The following TAOK3 variants were observed in gnomAD, a reference collection of about 807,000 sequenced individuals.
TAOK3 encodes TAO kinase 3.
In TAOK3, 40 loss-of-function variants were observed where a neutral mutation model predicts 120.4. The ratio of observed to expected loss-of-function variants is 0.33; its 90% confidence interval spans 0.26 to 0.43. The LOEUF (loss-of-function observed/expected upper bound fraction) is 0.43. Among genes scored for constraint, TAOK3 ranks in the 20% least tolerant of loss-of-function variants. The pLI, the probability that TAOK3 is intolerant of heterozygous loss-of-function variation, is 1.00. For missense variants in TAOK3, 821 were observed against 1,112.1 expected, an observed-to-expected ratio of 0.74 and a Z score of 3.72; for synonymous variants, 355 against 387.5, an observed-to-expected ratio of 0.92 and a Z score of 0.99.
chr12:118,274,250 T>C lies in TAOK3; in HGVS notation c.-193-7491A>G, dbSNP rs183826599. 2.0e-5 allele frequency among the ~76,000 whole-genome samples: 3 copies of C among 152,324 alleles called. No individual in the cohort carries two copies. The East Asian group carries it at 5.8e-4, about 29-fold the overall frequency. On this transcript the variant is annotated intron_variant, in intron 1 of 20. Transcript: ENST00000392533. ...TTTTAAGGTACTTTCACGTTGAAAA[T>C]GAAACTAGATGATAGCTGCTTTTTA... is the stretch of plus-strand genomic sequence containing the variant.
intron 5 of TAOK3, 136 bp downstream of exon 5, chr12:118,243,278 CA>C: frequency 1.8e-6 from 1 of 561,052 alleles, no homozygotes; most frequent in Non-Finnish European, 3.1e-6. Context: ...AAAGTATTAA[CA>C]AATGTTAAAT....
At chr12:118,236,892 A>G (rs2040040397) in intron 7 of TAOK3, among the ~76,000 whole-genome samples, 2 of 152,202 alleles carry the variant, frequency 1.3e-5, no homozygotes, top group Non-Finnish European at 2.9e-5. Context: ...TAAAGAAGAT[A>G]AAGCATAATA....
intron 1 of TAOK3, among the ~76,000 whole-genome samples, chr12:118,273,215 A>C (rs933907231): frequency 6.6e-6 from 1 of 152,090 alleles, no homozygotes; most frequent in Non-Finnish European, 1.5e-5. Context: ...CTTTAAGAAA[A>C]AAATAGGGCC....
intron 1 of TAOK3, among the ~76,000 whole-genome samples, chr12:118,314,359 T>C (rs1352939323): frequency 6.6e-6 from 1 of 152,172 alleles, no homozygotes; most frequent in Non-Finnish European, 1.5e-5. Flanking sequence ...ACTATTGAGA[T>C]ACAACTAATT....
At position 118,321,073 on chromosome 12, in the gene TAOK3, T is replaced by C. The variant is rs559686547; in HGVS notation, c.-194+51575A>G. Among the ~76,000 whole-genome samples the C allele has an allele frequency of 1.5e-4, 23 of 152,268 alleles. No homozygotes were observed. In the East Asian group the frequency reaches 2.9e-3, roughly 19 times the overall value. ...ATATAAACAACATTAAAAAAGATCA[T>C]GGAAAAAATCTAGAAGAATATGCCC... On this transcript the variant is annotated intron_variant, in intron 1 of 20. Transcript: ENST00000392533.
chr12:118,151,143 C>T lies in TAOK3; in HGVS notation c.2551G>A (p.Ala851Thr), dbSNP rs1484668608. The change falls in exon 21 of 21, where the codon GCT becomes ACT. Residue 851 changes from alanine to threonine, a missense_variant. Ala to Thr is a moderately conservative substitution (Grantham distance 58, BLOSUM62 0). Transcript: ENST00000392533. Reference protein sequence around the residue: ...HLEQKIEEELAALQKERSERI... With the variant: ...HLEQKIEEELTALQKERSERI... Reference sequence around the variant, plus strand: ...TCGCTGCGTTCCTTCTGAAGGGCAGCCAGCTCCTCTTCAATCTGAAAGAAG... The same window carrying T: ...TCGCTGCGTTCCTTCTGAAGGGCAGTCAGCTCCTCTTCAATCTGAAAGAAG... 6.2e-7 allele frequency: 1 copy of T among 1,612,494 alleles called. No homozygotes were observed. The highest frequency in any genetic ancestry group is 1.7e-5 in the Admixed American group (1 of 59,736).
intron 1 of TAOK3, among the ~76,000 whole-genome samples, chr12:118,338,786 CAAAAAAAA>C (rs71069438): frequency 5.6e-4 from 28 of 49,860 alleles, no homozygotes; most frequent in South Asian, 4.7e-3. Flanking sequence ...GACTCCGTCT[CAAAAAAAA>C]AAAAAAAAAA....
At chr12:118,307,132 T>C (rs2043078414) in intron 1 of TAOK3, among the ~76,000 whole-genome samples, 1 of 152,228 alleles carries the variant, frequency 6.6e-6, no homozygotes, top group Non-Finnish European at 1.5e-5. Context: ...CAGGAATTGC[T>C]GACACATCTC....
intron 14 of TAOK3, among the ~76,000 whole-genome samples, chr12:118,185,371 G>A (rs148881574): frequency 9.9e-5 from 15 of 152,218 alleles, no homozygotes; most frequent in Admixed American, 2.0e-4. Context: ...ACAAAACACT[G>A]CACTAGAAGG....
Position 118,181,462 on chromosome 12 carries a change from T to C in TAOK3, c.1475A>G (p.Lys492Arg), listed in dbSNP as rs1444485447. The change falls in exon 15 of 21, where the codon AAG becomes AGG. Residue 492 changes from lysine to arginine, a missense_variant. By Grantham distance (26) the Lys-to-Arg change is conservative. Coordinates refer to ENST00000392533, the MANE Select transcript of TAOK3 (RefSeq NM_016281.4). ...LKAEMDEHRL[K>R]LQKEVETHAN... ...ATGCGTCTCCACCTCCTTCTGTAGCTTGAGGCGGTGCTCGTCCATCTCAGC... is the reference window on the plus strand; with the variant it reads ...ATGCGTCTCCACCTCCTTCTGTAGCCTGAGGCGGTGCTCGTCCATCTCAGC... 3 of 1,614,218 alleles carry C rather than the reference T, an allele frequency of 1.9e-6. No individual in the cohort carries two copies. Among genetic ancestry groups the C allele is most frequent in the African/African-American group, 1.3e-5 (1 of 75,062 alleles).
At chr12:118,363,806 A>G (rs1214569851) in intron 1 of TAOK3, among the ~76,000 whole-genome samples, 1 of 151,536 alleles carries the variant, frequency 6.6e-6, no homozygotes, top group African/African-American at 2.4e-5. Flanking sequence ...GACACACACA[A>G]ACAGGCTGAT....
At chr12:118,234,413 T>G (rs2039933153) in intron 8 of TAOK3, among the ~76,000 whole-genome samples, 1 of 150,924 alleles carries the variant, frequency 6.6e-6, no homozygotes, top group African/African-American at 2.4e-5. Context: ...CCTGACTAAT[T>G]TTTTGTATTT....
intron 1 of TAOK3, among the ~76,000 whole-genome samples, chr12:118,278,518 C>A (rs2041982773): frequency 6.6e-6 from 1 of 152,124 alleles, no homozygotes; most frequent in African/African-American, 2.4e-5. Context: ...TGTATATGCA[C>A]CACATTTTCT....
chr12:118,253,751 CAAACA>C lies in TAOK3; in HGVS notation c.120+1692_120+1696del, dbSNP rs749211450. On this transcript the variant is annotated intron_variant, in intron 3 of 20. Transcript: ENST00000392533. ...GACTGTCTTAAAACAAACAAACAAA[CAAACA>C]AAAAAAAAAAAACAGGGCCCGGTGC... 6.3e-4 allele frequency among the ~76,000 whole-genome samples: 11 copies of C among 17,436 alleles called. No individual in the cohort carries two copies. The Admixed American group carries it at 8.1e-3, about 13-fold the overall frequency. 11.4% of individuals were successfully genotyped at this position (17,436 alleles called of 152,430 possible). A position where few individuals can be genotyped will look rare whatever the true frequency, so the allele number is the denominator to read the frequency against.
intron 5 of TAOK3, among the ~76,000 whole-genome samples, chr12:118,239,733 T>C (rs891984873): frequency 6.6e-6 from 1 of 152,210 alleles, no homozygotes; most frequent in Non-Finnish European, 1.5e-5. Context: ...TTTAAAAAGT[T>C]TTAAACAAGA....
intron 1 of TAOK3, among the ~76,000 whole-genome samples, chr12:118,355,944 C>A (rs2045371781): frequency 2.6e-5 from 4 of 152,304 alleles, no homozygotes; most frequent in South Asian, 4.1e-4. Flanking sequence ...AGGTGGCAGA[C>A]ATGTTTATCT....
In TAOK3 at chr12:118,372,050, T is replaced by TTCTC. The variant is rs2045913221; in HGVS notation, c.-194+594_-194+597dup. On this transcript the variant is annotated intron_variant, in intron 1 of 20. Coordinates refer to ENST00000392533, the MANE Select transcript of TAOK3 (RefSeq NM_016281.4). The surrounding 1 kb of genome is among the most constrained non-coding windows in gnomAD (Gnocchi z 4.6). ...CACTGTCTTGGCCCTTCCTGGGGTC[T>TTCTC]TCTCACACTCTGTTCTAAGCCCTCT... Among the ~76,000 whole-genome samples, 1 of 151,136 alleles carries TTCTC rather than the reference T, an allele frequency of 6.6e-6. No homozygotes were observed. The highest frequency in any genetic ancestry group is 2.4e-5 in the African/African-American group (1 of 40,990).
At chr12:118,363,703 TAAG>T (rs2045665702) in intron 1 of TAOK3, among the ~76,000 whole-genome samples, 1 of 151,208 alleles carries the variant, frequency 6.6e-6, no homozygotes, top group Admixed American at 6.6e-5. Context: ...CTTGGCTAGT[TAAG>T]AAGACCAGTC....
chr12:118,252,793 C>T (rs1415784116), intron 3 of TAOK3, among the ~76,000 whole-genome samples: 1 of 150,486 alleles, frequency 6.6e-6, no homozygotes, highest in East Asian at 2.0e-4. Context: ...AATCTTGGCT[C>T]ACTGCAAGCT....
Sources: gnomAD v4.1 joint callset for allele counts (sites outside exome capture counted in the v4.1 genomes callset) on GRCh38, gnomAD v4.1.1 for gene constraint, Gnocchi (gnomAD v3.1) non-coding constraint, MANE v1.5 for transcripts, NCBI Gene and HGNC (gene_info 2026-07-23, HGNC 2026-07-21) for gene names.